TRRAP: variants seen among roughly 807,000 people sequenced by gnomAD.
TRRAP encodes transformation/transcription domain associated protein, also known as transformation/transcription domain-associated protein.
TRRAP carries 41 observed loss-of-function variants against 438.8 expected under a neutral mutation model. The observed-to-expected ratio is 0.09, with a 90% CI of 0.07 to 0.12. The LOEUF is 0.12. Ranked by LOEUF, TRRAP falls within the 10% of genes least tolerant of loss-of-function variation. The pLI, the probability that TRRAP is intolerant of heterozygous loss-of-function variation, is 1.00. For synonymous variants in TRRAP, 1,994 were observed against 1,962.9 expected (o/e 1.02, Z -0.42); for missense variants, 3,122 against 5,055.1 (o/e 0.62, Z 11.60).
In TRRAP at chr7:98,937,284, G is replaced by A. The variant is rs1790597614; in HGVS notation, c.4233+7G>A. 6.2e-7 allele frequency: 1 copy of A among 1,607,186 alleles called. No individual in the cohort carries two copies. Among genetic ancestry groups the A allele is most frequent in the African/African-American group, 1.3e-5 (1 of 74,552 alleles). ...AGAAGCCTGTATGAGAAAGGTGAGT[G>A]TGTGTGCGTGCGTGTATGCGCACGC... is the stretch of plus-strand genomic sequence containing the variant. On this transcript the variant is annotated splice_region_variant and intron_variant, in intron 29 of 72. Transcript: ENST00000456197.
intron 28 of TRRAP, among the ~76,000 whole-genome samples, chr7:98,936,154 A>G (rs1448131759): frequency 6.6e-6 from 1 of 152,222 alleles, no homozygotes; most frequent in East Asian, 1.9e-4. Flanking sequence ...GATAGAAACA[A>G]TCATTTTCTT....
chr7:98,977,201 G>A (rs955956995), intron 56 of TRRAP, 125 bp downstream of exon 56: 24 of 1,376,652 alleles, frequency 1.7e-5, no homozygotes, highest in South Asian at 2.7e-5. Flanking sequence ...TTGCTCTGTC[G>A]CCCAGCCTGG....
At position 98,984,110 on chromosome 7, in the gene TRRAP, G is replaced by T; in HGVS notation, c.9040G>T (p.Glu3014Ter). ...CCCTCTAGCGATTGTAACTGCCTAT[G>T]AGAATAGCTCTCAGCATGATCCCAG... The part of the protein sequence containing the change: ...HHYQAIVTAY[E>*]NSSQHDPSSN... Residue 3014 changes from glutamate to a stop codon, truncating the protein, a stop_gained, in exon 61 of 73, where the codon GAG (glutamate) becomes TAG (stop). Transcript: ENST00000456197. LOFTEE classifies it high-confidence loss of function. The T allele has an allele frequency of 6.2e-7, 1 of 1,608,536 alleles. No homozygotes were observed. The highest frequency in any genetic ancestry group is 1.1e-5 in the South Asian group (1 of 90,014).
At chr7:98,913,838 A>C (rs1212358978) in intron 18 of TRRAP, among the ~76,000 whole-genome samples, 1 of 152,204 alleles carries the variant, frequency 6.6e-6, no homozygotes, top group Non-Finnish European at 1.5e-5. Context: ...ATATTACTAA[A>C]AGCAGCAGGT....
chr7:98,962,427 G>A lies in TRRAP; in HGVS notation c.6829G>A (p.Gly2277Arg), dbSNP rs750077597. The change falls in exon 47 of 73, where the codon GGG (glycine) becomes AGG (arginine). Residue 2277 changes from glycine (G) to arginine (R), a missense_variant and splice_region_variant. By Grantham distance (125) the Gly-to-Arg change is moderately radical. Coordinates refer to ENST00000456197, the MANE Select transcript of TRRAP (RefSeq NM_001375524.1). ...CAATGCCAATCCCTCCCAGCTCTTC[G>A]GTGAGTGTGTGTCTGTCCTGGTGTT... ...ATNANPSQLF[G>R]TLMILKSACS... 4.3e-6 allele frequency: 7 copies of A among 1,614,068 alleles called. No individual in the cohort carries two copies. Among genetic ancestry groups the A allele is most frequent in the Admixed American group, 1.7e-5 (1 of 60,014 alleles).
intron 67 of TRRAP, chr7:98,999,469 A>C: frequency 1.2e-6 from 1 of 811,600 alleles, no homozygotes. Flanking sequence ...CCTTCTCGGC[A>C]CTTTTTCCTG....
At chr7:98,967,768 A>G (rs1201202546) in intron 51 of TRRAP, 70 bp downstream of exon 51, 1 of 1,413,010 alleles carries the variant, frequency 7.1e-7, no homozygotes, top group Non-Finnish European at 9.8e-7. Flanking sequence ...CTCCAAAGCC[A>G]GGAGGTGTTC....
At position 98,911,064 on chromosome 7, in the gene TRRAP, T is replaced by C. The variant is rs781807855; in HGVS notation, c.1813-13T>C. On this transcript the variant is annotated splice_polypyrimidine_tract_variant and intron_variant, in intron 16 of 72. Coordinates refer to ENST00000456197, the MANE Select transcript of TRRAP (RefSeq NM_001375524.1). The stretch of plus-strand genomic sequence containing the variant: ...TTTTAATGCCTGTGGGCGGCTTTTT[T>C]CCCCTGTATTAGGTCCAGATAGCAG... The C allele has an allele frequency of 2.1e-5, 33 of 1,608,474 alleles. No homozygotes were observed. The highest frequency in any genetic ancestry group is 2.6e-5 in the Non-Finnish European group (31 of 1,177,770).
intron 3 of TRRAP, among the ~76,000 whole-genome samples, chr7:98,887,750 ACTGC>A (rs1795780893): frequency 6.7e-6 from 1 of 149,540 alleles, no homozygotes; most frequent in Non-Finnish European, 1.5e-5. Flanking sequence ...AAAAAAAAAA[ACTGC>A]AATGGTTTTC....
Position 98,990,089 on chromosome 7 carries a change from G to A in TRRAP, c.9592-366G>A, listed in dbSNP as rs533764362. 5.4e-4 allele frequency among the ~76,000 whole-genome samples: 82 copies of A among 152,228 alleles called. 1 individual carries two copies. Among genetic ancestry groups the A allele is most frequent in the African/African-American group, 1.9e-3 (77 of 41,564 alleles). On this transcript the variant is annotated intron_variant, in intron 63 of 72. Transcript: ENST00000456197. ...CTAAAAATACAAAAATTAGCCAGGC[G>A]TGGTGGTGTGTGCCTGTAGTCCCAG...
chr7:99,000,599 C>G (rs1793875671), intron 67 of TRRAP, among the ~76,000 whole-genome samples: 1 of 152,268 alleles, frequency 6.6e-6, no homozygotes, highest in Admixed American at 6.5e-5. Flanking sequence ...CTGCCGCCGT[C>G]TCCAGCACTC....
At position 98,976,054 on chromosome 7, in the gene TRRAP, A is replaced by G. The variant is rs189670047; in HGVS notation, c.7840-95A>G. On this transcript the variant is annotated intron_variant, in intron 53 of 72. Coordinates refer to ENST00000456197, the MANE Select transcript of TRRAP (RefSeq NM_001375524.1). This position sits in a 1 kb window ranked among gnomAD's most constrained non-coding sequence, Gnocchi z 4.6. ...ACTTTGAAAGTGGAGGAGCATCGGT[A>G]ATGTATGAGACAGATCATGGGTGTC... 39 of 1,424,434 alleles carry G rather than the reference A, an allele frequency of 2.7e-5. No individual in the cohort carries two copies. Among genetic ancestry groups the G allele is most frequent in the Non-Finnish European group, 4.7e-6 (5 of 1,058,672 alleles). The allele number at this position is 1,424,434 out of a possible 1,614,324, so 88.2% of individuals were successfully genotyped here.
intron 53 of TRRAP, 87 bp downstream of exon 53, chr7:98,972,032 C>A: frequency 6.8e-7 from 1 of 1,478,788 alleles, no homozygotes; most frequent in Non-Finnish European, 9.0e-7. Flanking sequence ...AGCAGTGTAA[C>A]TTTTTCTGTT....
At chr7:98,886,502 GGATATCTAGAGAGATATA>G (rs1181171728) in intron 3 of TRRAP, among the ~76,000 whole-genome samples, 59 of 151,804 alleles carry the variant, frequency 3.9e-4, no homozygotes, top group Non-Finnish European at 7.4e-4. Flanking sequence ...AGAGAGATAT[GGATATCTAGAGAGATATA>G]GATATCTAGA....
At chr7:98,897,947 T>G (rs1796297446) in intron 8 of TRRAP, 81 bp downstream of exon 8, 2 of 1,592,008 alleles carry the variant, frequency 1.3e-6, no homozygotes, top group Non-Finnish European at 1.7e-6. Context: ...TTTTTTCTCT[T>G]AAATACTTGG....
intron 39 of TRRAP, 82 bp downstream of exon 39, chr7:98,951,086 TG>T (rs1791316518): frequency 7.6e-7 from 1 of 1,322,274 alleles, no homozygotes; most frequent in Admixed American, 2.9e-5. Flanking sequence ...TGTGTGTGTG[TG>T]TGTGTGTTAA....
At position 98,886,143 on chromosome 7, in the gene TRRAP, G is replaced by A. The variant is rs191383779; in HGVS notation, c.150+4119G>A. Among the ~76,000 whole-genome samples the A allele has an allele frequency of 5.9e-5, 9 of 152,256 alleles. No individual in the cohort carries two copies. The East Asian group carries it at 1.4e-3, about 23-fold the overall frequency. On this transcript the variant is annotated intron_variant, in intron 3 of 72. Coordinates refer to ENST00000456197, the MANE Select transcript of TRRAP (RefSeq NM_001375524.1). ...CTACTCCAAATACAAAAATCTAGCC[G>A]AGCATGGTGGCACATGCCTGGCCTG...
At chr7:98,942,567 G>A (rs1010693380) in intron 30 of TRRAP, among the ~76,000 whole-genome samples, 3 of 152,172 alleles carry the variant, frequency 2.0e-5, no homozygotes, top group Non-Finnish European at 4.4e-5. Context: ...CACGGGCTCC[G>A]CAAGGAGAGG....
At chr7:98,999,237 C>T (rs1218481318) in intron 67 of TRRAP, 8 of 1,186,406 alleles carry the variant, frequency 6.7e-6, no homozygotes, top group Admixed American at 1.7e-5. Flanking sequence ...GAAGTACATG[C>T]ATTCACTGCC....
Sources: gnomAD v4.1 joint callset for allele counts (sites outside exome capture counted in the v4.1 genomes callset) on GRCh38, gnomAD v4.1.1 for gene constraint, Gnocchi (gnomAD v3.1) non-coding constraint, MANE v1.5 for transcripts, NCBI Gene and HGNC (gene_info 2026-07-23, HGNC 2026-07-21) for gene names.